Variants in DUSP16 observed in about 807,000 individuals in gnomAD.
DUSP16 encodes the protein dual specificity protein phosphatase 16.
Under a neutral mutation model 58.3 loss-of-function variants are expected in DUSP16, and 21 were observed. The observed-to-expected ratio is 0.36, with a 90% CI of 0.26 to 0.52. The LOEUF (loss-of-function observed/expected upper bound fraction) is 0.52. Among genes scored for constraint, DUSP16 ranks in the 20% least tolerant of loss-of-function variants. DUSP16 has a pLI of 0.94. For synonymous variants in DUSP16, 320 were observed against 323.8 expected, an observed-to-expected ratio of 0.99 and a Z score of 0.12; for missense variants, 726 against 819.0, an observed-to-expected ratio of 0.89 and a Z score of 1.39.
At chr12:12,536,115 C>T (rs1944458629) in intron 1 of DUSP16, among the ~76,000 whole-genome samples, 1 of 152,156 alleles carries the variant, frequency 6.6e-6, no homozygotes, top group Non-Finnish European at 1.5e-5. Context: ...CCTTACAGTA[C>T]CATACAGTTT....
In DUSP16 at chr12:12,538,959, G is replaced by C. The variant is rs560659726; in HGVS notation, c.-365-17496C>G. Among the ~76,000 whole-genome samples, 4 of 152,340 alleles carry C rather than the reference G, an allele frequency of 2.6e-5. No homozygotes were observed. The East Asian group carries it at 7.7e-4, about 29-fold the overall frequency. On this transcript the variant is annotated intron_variant, in intron 1 of 6. Transcript: ENST00000298573. ...AAATGGAGGAGCATTTTGGCTAACA[G>C]AGTAGCTCTGAACCTTAGTTACACA...
At chr12:12,548,018 A>G (rs1371528301) in intron 1 of DUSP16, among the ~76,000 whole-genome samples, 2 of 152,190 alleles carry the variant, frequency 1.3e-5, no homozygotes, top group Admixed American at 1.3e-4. Context: ...CTGACTAAGC[A>G]GTACCAGTAA....
At chr12:12,485,783 CCA>C (rs1943670903) in intron 5 of DUSP16, among the ~76,000 whole-genome samples, 2 of 137,606 alleles carry the variant, frequency 1.5e-5, no homozygotes, top group Non-Finnish European at 3.1e-5. Context: ...CTGGCCAATT[CCA>C]CTTTTTTTTT....
intron 1 of DUSP16, among the ~76,000 whole-genome samples, chr12:12,534,756 G>A (rs1263476932): frequency 1.3e-5 from 2 of 152,042 alleles, no homozygotes; most frequent in Admixed American, 6.5e-5. Flanking sequence ...ACAGTCACCC[G>A]TGAATTCAGG....
At chr12:12,513,431 G>GA (rs1416472030) in intron 3 of DUSP16, among the ~76,000 whole-genome samples, 14 of 152,330 alleles carry the variant, frequency 9.2e-5, no homozygotes, top group Admixed American at 7.8e-4. Context: ...AGCCTGATCT[G>GA]AAATGGGCAC....
chr12:12,534,860 G>T (rs1944442769), intron 1 of DUSP16, among the ~76,000 whole-genome samples: 1 of 152,062 alleles, frequency 6.6e-6, no homozygotes, highest in Non-Finnish European at 1.5e-5. Context: ...TTCCAGTTTG[G>T]TGTTTCACAC....
At chr12:12,520,311 A>T (rs1390930546) in intron 2 of DUSP16, among the ~76,000 whole-genome samples, 1 of 152,202 alleles carries the variant, frequency 6.6e-6, no homozygotes, top group Non-Finnish European at 1.5e-5. Flanking sequence ...GACCTAAACA[A>T]ACTTTTTTTA....
rs140147069 is a variant in DUSP16 at position 12,477,691 on chromosome 12, G to C, written c.1140C>G (p.Leu380=). ...TGTCTGCGGACAGGTGCAGCCCACT[G>C]AGCGCCTGTACCAGCGGGCTGTCCT... ...LLEDSPLVQA[L]SGLHLSADRL... is the part of the protein sequence containing the mutation. Residue 380 remains leucine, a synonymous_variant, in exon 7 of 7, where the codon CTC becomes CTG. Transcript: ENST00000298573. The surrounding 1 kb of genome is among the most constrained non-coding windows in gnomAD (Gnocchi z 4.1). 2 of 1,613,632 alleles carry C rather than the reference G, an allele frequency of 1.2e-6. No homozygotes were observed. The highest frequency in any genetic ancestry group is 2.2e-5 in the South Asian group (2 of 91,064).
chr12:12,520,020 C>T lies in DUSP16; in HGVS notation c.229-20G>A. ...GTCAACCTGAAATGCAAACATGAGG[C>T]TTGTTAGGAAGAAGGTGAGAAAAGT... On this transcript the variant is annotated intron_variant, in intron 2 of 6. Coordinates refer to ENST00000298573, the MANE Select transcript of DUSP16 (RefSeq NM_030640.3). 1.2e-6 allele frequency: 2 copies of T among 1,613,788 alleles called. No homozygotes were observed. The highest frequency in any genetic ancestry group is 1.1e-5 in the South Asian group (1 of 91,078).
intron 4 of DUSP16, among the ~76,000 whole-genome samples, chr12:12,493,753 GTTC>G: frequency 6.6e-6 from 1 of 152,108 alleles, no homozygotes; most frequent in South Asian, 2.1e-4. Context: ...TTGAGTGTTT[GTTC>G]AAATGCCTCT....
rs867336195 is a variant in DUSP16 at position 12,517,044 on chromosome 12, G to A, written c.367+2818C>T. Among the ~76,000 whole-genome samples the A allele has an allele frequency of 1.1e-4, 17 of 152,192 alleles. No homozygotes were observed. The South Asian group carries it at 1.2e-3, about 11-fold the overall frequency. On this transcript the variant is annotated intron_variant, in intron 3 of 6. Transcript: ENST00000298573. ...CCTCTTGTTTGAAGGAAAAGAGCTC[G>A]TTAAGATACTGCTATCAATTTCTTG... is the stretch of plus-strand genomic sequence containing the variant.
At chr12:12,537,333 T>C (rs1382283165) in intron 1 of DUSP16, among the ~76,000 whole-genome samples, 1 of 152,190 alleles carries the variant, frequency 6.6e-6, no homozygotes, top group Non-Finnish European at 1.5e-5. Context: ...AGTTTTTAAA[T>C]GTAATTACAT....
intron 4 of DUSP16, 74 bp from the exon 5 acceptor site, chr12:12,487,261 T>A: frequency 6.7e-7 from 1 of 1,489,862 alleles, no homozygotes; most frequent in Non-Finnish European, 9.2e-7. Context: ...GAGTGAAGTT[T>A]AATGTGATGA....
At position 12,474,912 on chromosome 12, in the gene DUSP16, AACTC is replaced by A. The variant is rs1043665086; in HGVS notation, c.*1917_*1920del. 3.3e-5 allele frequency: 5 copies of A among 152,212 alleles called. No homozygotes were observed. The highest frequency in any genetic ancestry group is 1.9e-4 in the East Asian group (1 of 5,206). 9.4% of individuals were successfully genotyped at this position (152,212 alleles called of 1,614,324 possible). ...AGATTTCAATGTATATCTAAAAACT[AACTC>A]AAATCGTTGACCAGCACTTTCCCAG... On this transcript the variant is annotated 3_prime_UTR_variant, in exon 7 of 7. Coordinates refer to ENST00000298573, the MANE Select transcript of DUSP16 (RefSeq NM_030640.3).
chr12:12,522,253 C>T (rs1944248943), intron 1 of DUSP16, among the ~76,000 whole-genome samples: 1 of 152,132 alleles, frequency 6.6e-6, no homozygotes, highest in Non-Finnish European at 1.5e-5. Flanking sequence ...TCACTTTTTC[C>T]TGCTTCATTC....
chr12:12,533,315 T>G (rs970964728), intron 1 of DUSP16, among the ~76,000 whole-genome samples: 2 of 152,248 alleles, frequency 1.3e-5, no homozygotes, highest in Admixed American at 1.3e-4. Flanking sequence ...TGACTTTCAT[T>G]GCTCTCACTT....
Position 12,519,874 on chromosome 12 carries a change from G to C in DUSP16, c.355C>G (p.His119Asp). 1 of 1,614,070 alleles carries C rather than the reference G, an allele frequency of 6.2e-7. No homozygotes were observed. The highest frequency in any genetic ancestry group is 1.1e-5 in the South Asian group (1 of 91,072). ...GKLEKSFNSV[H>D]LLAGGFAEFS... ...TCACGAGCCTTACCTGCAAGCAGGT[G>C]AACAGAGTTGAAGCTCTTCTCCAGT... Residue 119 changes from histidine (H) to aspartate (D), a missense_variant, in exon 3 of 7, where the codon CAC becomes GAC. Physicochemically the swap from His to Asp is moderately conservative, Grantham distance 81. Transcript: ENST00000298573.
intron 5 of DUSP16, among the ~76,000 whole-genome samples, chr12:12,481,125 CTT>C (rs55648260): frequency 0.061 from 9,334 of 152,236 alleles, 334 homozygotes; most frequent in Middle Eastern, 0.099. Flanking sequence ...TAGCAGGTCA[CTT>C]TAATGAGATC....
chr12:12,534,189 G>A (rs894110689), intron 1 of DUSP16, among the ~76,000 whole-genome samples: 3 of 152,218 alleles, frequency 2.0e-5, no homozygotes, highest in Non-Finnish European at 2.9e-5. Flanking sequence ...AGGGCGGCCA[G>A]GTAGCAGAGA....
Sources: allele counts gnomAD v4.1 joint callset (sites outside exome capture counted in the v4.1 genomes callset), GRCh38; gene constraint gnomAD v4.1.1; non-coding constraint Gnocchi (gnomAD v3.1); transcripts MANE v1.5; gene names NCBI Gene and HGNC (gene_info 2026-07-23, HGNC 2026-07-21).